Variants in PMEPA1 observed in about 807,000 individuals in gnomAD.
PMEPA1 encodes the protein protein TMEPAI.
Under a neutral mutation model 23.0 loss-of-function variants are expected in PMEPA1, and 11 were observed. That is an observed-to-expected ratio of 0.48 (90% CI 0.30 to 0.79). The LOEUF (loss-of-function observed/expected upper bound fraction) is 0.79. Ranked by LOEUF, PMEPA1 falls within the 30% of genes least tolerant of loss-of-function variation. PMEPA1 has a pLI of 0.06. For synonymous variants in PMEPA1, 204 were observed against 166.4 expected, an observed-to-expected ratio of 1.23 and a Z score of -1.74; for missense variants, 377 against 390.9, an observed-to-expected ratio of 0.96 and a Z score of 0.30.
intron 1 of PMEPA1, among the ~76,000 whole-genome samples, chr20:57,669,123 T>C (rs2071532710): frequency 6.7e-6 from 1 of 149,670 alleles, no homozygotes; most frequent in South Asian, 2.1e-4. Context: ...ACGTAATGAC[T>C]ACACTGAATA....
At chr20:57,679,560 G>A (rs575916449) in intron 1 of PMEPA1, among the ~76,000 whole-genome samples, 13 of 152,286 alleles carry the variant, frequency 8.5e-5, no homozygotes, top group African/African-American at 2.9e-4. Flanking sequence ...GGCGGGTTCC[G>A]GGACCTGCAG....
At chr20:57,695,496 C>T (rs1199550286) in intron 1 of PMEPA1, among the ~76,000 whole-genome samples, 1 of 152,266 alleles carries the variant, frequency 6.6e-6, no homozygotes, top group Admixed American at 6.5e-5. Flanking sequence ...AATCCGTCTG[C>T]CCTGCTTAAA....
chr20:57,665,644 T>G (rs750775995), intron 1 of PMEPA1, among the ~76,000 whole-genome samples: 7 of 151,992 alleles, frequency 4.6e-5, no homozygotes, highest in Non-Finnish European at 1.0e-4. Flanking sequence ...ACAAAAAGCA[T>G]CCCTCGTTCC....
At chr20:57,698,940 C>T (rs1046708785) in intron 1 of PMEPA1, among the ~76,000 whole-genome samples, 2 of 152,184 alleles carry the variant, frequency 1.3e-5, no homozygotes, top group Admixed American at 1.3e-4. Flanking sequence ...ACATCACTGA[C>T]CACAACCAAA....
rs12578 is a variant in PMEPA1 at position 57,648,564 on chromosome 20, C to A, written c.*3489G>T. On this transcript the variant is annotated 3_prime_UTR_variant, in exon 4 of 4. Transcript: ENST00000341744. ...ACGTGGGTGCGCGCCCCGCATGCCA[C>A]GGAAAGCTTACATAAGTTTAACTTG... 6.6e-6 allele frequency: 1 copy of A among 152,518 alleles called. No homozygotes were observed. Among genetic ancestry groups the A allele is most frequent in the African/African-American group, 2.4e-5 (1 of 41,386 alleles). 9.4% of individuals were successfully genotyped at this position (152,518 alleles called of 1,614,324 possible).
At chr20:57,678,405 T>A (rs1284699209) in intron 1 of PMEPA1, among the ~76,000 whole-genome samples, 1 of 152,274 alleles carries the variant, frequency 6.6e-6, no homozygotes. Context: ...GGGAGTGCCC[T>A]GTCCCTTGGC....
At chr20:57,669,573 C>T (rs569821261) in intron 1 of PMEPA1, among the ~76,000 whole-genome samples, 2 of 152,358 alleles carry the variant, frequency 1.3e-5, no homozygotes, top group East Asian at 1.9e-4. Flanking sequence ...GCAGGGATGA[C>T]ACCACCCTGG....
At position 57,652,651 on chromosome 20, in the gene PMEPA1, C is replaced by A; in HGVS notation, c.319-53G>T. On this transcript the variant is annotated intron_variant, in intron 3 of 3. Coordinates refer to ENST00000341744, the MANE Select transcript of PMEPA1 (RefSeq NM_020182.5). This position sits in a 1 kb window ranked among gnomAD's most constrained non-coding sequence, Gnocchi z 6.1. ...AGGGCGGCTGTCTCAGGTGGGTTGT[C>A]CAGAAGCGATCCTGAGACTGGAGTT... 7.4e-7 allele frequency: 1 copy of A among 1,360,002 alleles called. No individual in the cohort carries two copies. Among genetic ancestry groups the A allele is most frequent in the South Asian group, 1.5e-5 (1 of 66,434 alleles). 84.2% of individuals were successfully genotyped at this position (1,360,002 alleles called of 1,614,324 possible).
chr20:57,663,885 G>A (rs917171898), intron 1 of PMEPA1, among the ~76,000 whole-genome samples: 1 of 152,204 alleles, frequency 6.6e-6, no homozygotes, highest in Non-Finnish European at 1.5e-5. Context: ...CTCCAGTCAA[G>A]CCCCACCGGC....
chr20:57,700,104 C>T (rs1352436003), intron 1 of PMEPA1: 1 of 471,236 alleles, frequency 2.1e-6, no homozygotes, highest in Non-Finnish European at 4.4e-6. Context: ...TGGAACTGGC[C>T]CCTCCTGGAG....
chr20:57,652,179 G>A lies in PMEPA1; in HGVS notation c.738C>T (p.His246=). 1.9e-6 allele frequency: 3 copies of A among 1,609,350 alleles called. No individual in the cohort carries two copies. The highest frequency in any genetic ancestry group is 2.5e-6 in the Non-Finnish European group (3 of 1,178,462). The change falls in exon 4 of 4, where the codon CAC becomes CAT. Residue 246 remains histidine (H), a synonymous_variant. Coordinates refer to ENST00000341744, the MANE Select transcript of PMEPA1 (RefSeq NM_020182.5). The surrounding 1 kb of genome is among the most constrained non-coding windows in gnomAD (Gnocchi z 6.1). ...IGHYPGSSFQ[H]QQSSGPPSLL... ...AGGAGGGCGGCCCACTGCTCTGCTG[G>A]TGCTGGAAGGAGGACCCCGGGTAGT... is the stretch of plus-strand genomic sequence containing the variant.
At chr20:57,688,037 G>A (rs897938639) in intron 1 of PMEPA1, among the ~76,000 whole-genome samples, 4 of 152,120 alleles carry the variant, frequency 2.6e-5, no homozygotes, top group African/African-American at 9.7e-5. Flanking sequence ...GGTCAGGCCG[G>A]GTGGTTCAGG....
intron 1 of PMEPA1, among the ~76,000 whole-genome samples, chr20:57,678,390 G>T (rs566445372): frequency 6.6e-6 from 1 of 152,360 alleles, no homozygotes; most frequent in African/African-American, 2.4e-5. Flanking sequence ...ACAAGTGAAC[G>T]GTCTGGGAGT....
intron 1 of PMEPA1, among the ~76,000 whole-genome samples, chr20:57,691,148 A>G (rs1219981645): frequency 6.6e-6 from 1 of 152,202 alleles, no homozygotes; most frequent in Non-Finnish European, 1.5e-5. Flanking sequence ...TGTGTGTCCA[A>G]AACACTAGGC....
rs546029819 is a variant in PMEPA1 at position 57,696,877 on chromosome 20, G to A, written c.109+12597C>T. 8.5e-5 allele frequency among the ~76,000 whole-genome samples: 13 copies of A among 152,316 alleles called. No individual in the cohort carries two copies. In the East Asian group the frequency reaches 2.3e-3, roughly 27 times the overall value. ...AATGGAGGCCTCTGTGCACATTTCC[G>A]TTTACACCCCTGATTTTTAAAAAAG... On this transcript the variant is annotated intron_variant, in intron 1 of 3. Transcript: ENST00000341744.
chr20:57,677,513 T>G (rs905179515), intron 1 of PMEPA1, among the ~76,000 whole-genome samples: 1 of 152,116 alleles, frequency 6.6e-6, no homozygotes, highest in African/African-American at 2.4e-5. Context: ...TCGATTAACA[T>G]GTGAAAGAGG....
At chr20:57,693,402 C>T (rs1011177425) in intron 1 of PMEPA1, among the ~76,000 whole-genome samples, 3 of 152,188 alleles carry the variant, frequency 2.0e-5, no homozygotes, top group Admixed American at 6.5e-5. Context: ...GACCTGCATC[C>T]AGGAAGGTCT....
intron 1 of PMEPA1, among the ~76,000 whole-genome samples, chr20:57,661,019 C>T (rs189986660): frequency 6.6e-6 from 1 of 152,340 alleles, no homozygotes; most frequent in East Asian, 1.9e-4. Flanking sequence ...CAAACACACG[C>T]CACGCTCAAC....
At chr20:57,708,325 A>G (rs1465963702) in intron 1 of PMEPA1, among the ~76,000 whole-genome samples, 1 of 152,170 alleles carries the variant, frequency 6.6e-6, no homozygotes, top group African/African-American at 2.4e-5. Context: ...AGCTCAGGGA[A>G]GCAAAAGGTC....
Sources: allele counts gnomAD v4.1 joint callset (sites outside exome capture counted in the v4.1 genomes callset), GRCh38; gene constraint gnomAD v4.1.1; non-coding constraint Gnocchi (gnomAD v3.1); transcripts MANE v1.5; gene names NCBI Gene and HGNC (gene_info 2026-07-23, HGNC 2026-07-21).